Variants in CPNE5 observed in about 807,000 individuals in gnomAD.
CPNE5 encodes the protein copine 5, also known as copine-5.
CPNE5 carries 42 observed loss-of-function variants against 81.1 expected under a neutral mutation model. The observed-to-expected ratio is 0.52, with a 90% confidence interval of 0.40 to 0.67. The LOEUF (loss-of-function observed/expected upper bound fraction) is 0.67, where lower values mean the gene tolerates loss of function less well. Among genes scored for constraint, CPNE5 ranks in the 30% least tolerant of loss-of-function variants. CPNE5 has a pLI of 0.00. For synonymous variants in CPNE5, 313 were observed against 321.5 expected (o/e 0.97, Z 0.28); for missense variants, 612 against 815.5 (o/e 0.75, Z 3.04).
At chr6:36,762,842 T>G (rs773731799) in intron 12 of CPNE5, 75 bp downstream of exon 12, 4 of 1,199,260 alleles carry the variant, frequency 3.3e-6, no homozygotes, top group Non-Finnish European at 5.0e-6. Context: ...CCCAGCCCAG[T>G]GCATGGCTCA....
intron 10 of CPNE5, among the ~76,000 whole-genome samples, chr6:36,773,229 C>T (rs1767201390): frequency 6.6e-6 from 1 of 152,082 alleles, no homozygotes; most frequent in Admixed American, 6.6e-5. Flanking sequence ...CCCAGAGGCC[C>T]AGCTTTCTTA....
chr6:36,832,065 C>G (rs1048779923), intron 1 of CPNE5, among the ~76,000 whole-genome samples: 28 of 152,228 alleles, frequency 1.8e-4, no homozygotes, highest in African/African-American at 6.3e-4. Context: ...TGAAATCACA[C>G]TAAGCCTTTT....
At chr6:36,789,675 C>G (rs1404799870) in intron 8 of CPNE5, among the ~76,000 whole-genome samples, 2 of 152,186 alleles carry the variant, frequency 1.3e-5, no homozygotes, top group African/African-American at 4.8e-5. Flanking sequence ...GAATTCTCTC[C>G]CTTGTCTGAA....
At chr6:36,791,908 G>T in intron 8 of CPNE5, 125 bp downstream of exon 8, 1 of 827,984 alleles carries the variant, frequency 1.2e-6, no homozygotes, top group South Asian at 1.4e-5. Flanking sequence ...AAAATTCTAT[G>T]ACAGCCAGGT....
At chr6:36,812,774 G>A (rs1771212677) in intron 3 of CPNE5, among the ~76,000 whole-genome samples, 1 of 152,330 alleles carries the variant, frequency 6.6e-6, no homozygotes, top group South Asian at 2.1e-4. Context: ...GCCACTAAAG[G>A]CTTTCCAAGT....
At chr6:36,796,646 AG>A (rs2150520071) in intron 6 of CPNE5, among the ~76,000 whole-genome samples, 1 of 152,338 alleles carries the variant, frequency 6.6e-6, no homozygotes, top group East Asian at 1.9e-4. Flanking sequence ...CCTAAGAGGG[AG>A]GGGCCTAGCA....
chr6:36,791,604 G>C (rs1769097357), intron 8 of CPNE5, among the ~76,000 whole-genome samples: 1 of 152,048 alleles, frequency 6.6e-6, no homozygotes, highest in East Asian at 1.9e-4. Flanking sequence ...CCCCATGCAG[G>C]GTGTCACCCT....
At chr6:36,756,107 C>CCCCCCG in intron 13 of CPNE5, 138 bp downstream of exon 13, 3 of 426,614 alleles carry the variant, frequency 7.0e-6, no homozygotes, top group Middle Eastern at 6.6e-4. Context: ...CACCCCTCCC[C>CCCCCCG]ACCCCATCTC....
At chr6:36,753,738 C>T (rs546042316) in intron 13 of CPNE5, among the ~76,000 whole-genome samples, 1 of 152,350 alleles carries the variant, frequency 6.6e-6, no homozygotes, top group South Asian at 2.1e-4. Context: ...TTAACCTATG[C>T]CCTGGCAAAG....
chr6:36,816,672 TA>T (rs1366680742), intron 3 of CPNE5, among the ~76,000 whole-genome samples: 1 of 152,222 alleles, frequency 6.6e-6, no homozygotes, highest in African/African-American at 2.4e-5. Context: ...GGCGGTTCCA[TA>T]GAGACAATCT....
In CPNE5 at chr6:36,760,345, C is replaced by T. The variant is rs533034408; in HGVS notation, c.855+2572G>A. On this transcript the variant is annotated intron_variant, in intron 12 of 20. Coordinates refer to ENST00000244751, the MANE Select transcript of CPNE5 (RefSeq NM_020939.2). ...TCTCAGCTGCGGTGGGAGCATCTTT[C>T]AGTATCTCTTCCCACCTCCCATGTG... Among the ~76,000 whole-genome samples the T allele has an allele frequency of 1.3e-4, 20 of 152,092 alleles. No individual in the cohort carries two copies. The South Asian group carries it at 4.2e-3, about 32-fold the overall frequency.
chr6:36,793,675 T>G (rs1450768606), intron 7 of CPNE5, among the ~76,000 whole-genome samples: 2 of 152,110 alleles, frequency 1.3e-5, no homozygotes, highest in African/African-American at 4.8e-5. Context: ...TTGCTGCTTC[T>G]CTACTCTCCA....
At chr6:36,826,327 C>T (rs236368) in intron 1 of CPNE5, among the ~76,000 whole-genome samples, 3,396 of 152,238 alleles carry the variant, frequency 0.022, 137 homozygotes, top group African/African-American at 0.074. Flanking sequence ...AGACCCTCAC[C>T]GAATCCTGGG....
chr6:36,760,823 C>T (rs372975892), intron 12 of CPNE5, among the ~76,000 whole-genome samples: 56 of 152,260 alleles, frequency 3.7e-4, no homozygotes, highest in South Asian at 2.1e-3. Flanking sequence ...TGCCAGGGCC[C>T]GAGGCACAGG....
At chr6:36,756,115 CTCTCTTGGATGTCTGATT>C in intron 13 of CPNE5, 112 bp downstream of exon 13, 1 of 385,440 alleles carries the variant, frequency 2.6e-6, no homozygotes. Context: ...CCCACCCCAT[CTCTCTTGGATGTCTGATT>C]CCCACGCTCA....
intron 3 of CPNE5, among the ~76,000 whole-genome samples, chr6:36,802,269 T>C (rs1451094068): frequency 2.8e-5 from 4 of 144,152 alleles, no homozygotes; most frequent in African/African-American, 1.0e-4. Flanking sequence ...AATTTTATGC[T>C]ATATGCTTTT....
At chr6:36,753,843 G>A (rs1251893430) in intron 13 of CPNE5, among the ~76,000 whole-genome samples, 1 of 152,206 alleles carries the variant, frequency 6.6e-6, no homozygotes, top group African/African-American at 2.4e-5. Context: ...GGCATCCTAG[G>A]CCAATTATAT....
chr6:36,798,659 G>T (rs765458963), intron 4 of CPNE5, among the ~76,000 whole-genome samples, 165 bp from the exon 5 acceptor site: 1 of 152,298 alleles, frequency 6.6e-6, no homozygotes, highest in South Asian at 2.1e-4. Context: ...AGCCTTCTGG[G>T]TGCTGGACAT....
intron 1 of CPNE5, chr6:36,827,731 C>G (rs986728539): frequency 5.4e-5 from 53 of 985,320 alleles, no homozygotes; most frequent in Non-Finnish European, 6.3e-5. Flanking sequence ...AGCCAAAAGC[C>G]TGGGGGAGGA....
Sources: gnomAD v4.1 joint callset for allele counts (sites outside exome capture counted in the v4.1 genomes callset) on GRCh38, gnomAD v4.1.1 for gene constraint, MANE v1.5 for transcripts, NCBI Gene and HGNC (gene_info 2026-07-23, HGNC 2026-07-21) for gene names.